Variants in DPP10 observed in about 807,000 individuals in gnomAD.
DPP10 encodes dipeptidyl peptidase like 10, also known as inactive dipeptidyl peptidase 10.
DPP10 carries 33 observed loss-of-function variants against 120.9 expected under a neutral mutation model. The ratio of observed to expected loss-of-function variants is 0.27; its 90% confidence interval spans 0.21 to 0.37. DPP10 has a LOEUF of 0.37. Among genes scored for constraint, DPP10 ranks in the 10% least tolerant of loss-of-function variants. The pLI, the probability that DPP10 is intolerant of heterozygous loss-of-function variation, is 1.00. For missense variants in DPP10, 816 were observed against 942.8 expected, an observed-to-expected ratio of 0.87 and a Z score of 1.76; for synonymous variants, 337 against 326.1, an observed-to-expected ratio of 1.03 and a Z score of -0.36.
intron 1 of DPP10, among the ~76,000 whole-genome samples, chr2:114,491,715 C>T (rs1294565132): frequency 6.6e-6 from 1 of 152,184 alleles, no homozygotes; most frequent in Non-Finnish European, 1.5e-5. Context: ...AATACATGCT[C>T]TCAAGATGAA....
At chr2:115,654,086 T>A (rs1044764687) in intron 5 of DPP10, among the ~76,000 whole-genome samples, 1 of 151,872 alleles carries the variant, frequency 6.6e-6, no homozygotes, top group African/African-American at 2.4e-5. Context: ...CAGAAATATT[T>A]ACACATCAGT....
intron 1 of DPP10, among the ~76,000 whole-genome samples, chr2:114,635,285 T>C (rs1271498754): frequency 6.6e-6 from 1 of 151,888 alleles, no homozygotes; most frequent in Non-Finnish European, 1.5e-5. Context: ...AAGACACCCA[T>C]TACATTCATG....
chr2:115,592,704 C>T (rs763062092), intron 5 of DPP10, among the ~76,000 whole-genome samples: 4 of 151,912 alleles, frequency 2.6e-5, no homozygotes, highest in African/African-American at 7.3e-5. Flanking sequence ...TGCAGTGAGT[C>T]GAGATTGTGC....
intron 5 of DPP10, among the ~76,000 whole-genome samples, chr2:115,633,390 T>C (rs867189371): frequency 2.6e-5 from 4 of 151,956 alleles, no homozygotes; most frequent in Admixed American, 2.6e-4. Flanking sequence ...ATGAGAACAC[T>C]TGGACACAGG....
At chr2:114,708,779 G>A (rs1408294950) in intron 1 of DPP10, among the ~76,000 whole-genome samples, 1 of 151,732 alleles carries the variant, frequency 6.6e-6, no homozygotes, top group Admixed American at 6.6e-5. Flanking sequence ...TTTTTGAGAT[G>A]GAGTCTCACT....
intron 1 of DPP10, among the ~76,000 whole-genome samples, chr2:114,704,781 T>C (rs962015939): frequency 1.3e-5 from 2 of 152,150 alleles, no homozygotes; most frequent in African/African-American, 4.8e-5. Flanking sequence ...ATAATTTATA[T>C]GTTGAAGCTC....
intron 5 of DPP10, among the ~76,000 whole-genome samples, chr2:115,633,489 G>T (rs1259762887): frequency 2.0e-5 from 3 of 152,090 alleles, no homozygotes; most frequent in Admixed American, 1.3e-4. Flanking sequence ...TAAATGACGA[G>T]TTAATGGGTG....
At chr2:115,829,857 T>G (rs1688742166) in intron 21 of DPP10, among the ~76,000 whole-genome samples, 1 of 152,154 alleles carries the variant, frequency 6.6e-6, no homozygotes, top group African/African-American at 2.4e-5. Flanking sequence ...CATATGTAGC[T>G]TTTAGCTGGC....
chr2:115,012,690 T>C (rs566822947), intron 1 of DPP10, among the ~76,000 whole-genome samples: 22 of 152,136 alleles, frequency 1.4e-4, no homozygotes, highest in Non-Finnish European at 3.2e-4. Context: ...CGGCAGCACT[T>C]GAATCTTAGA....
At chr2:114,593,976 G>C (rs1691675371) in intron 1 of DPP10, among the ~76,000 whole-genome samples, 1 of 152,118 alleles carries the variant, frequency 6.6e-6, no homozygotes, top group Admixed American at 6.6e-5. Flanking sequence ...CAGGCCTGCT[G>C]AGCTACTGTG....
intron 7 of DPP10, among the ~76,000 whole-genome samples, chr2:115,712,469 G>C (rs1419921258): frequency 2.1e-5 from 3 of 141,934 alleles, no homozygotes; most frequent in Non-Finnish European, 4.6e-5. Flanking sequence ...CCCTAATTTA[G>C]AAAATACAAT....
intron 1 of DPP10, among the ~76,000 whole-genome samples, chr2:115,286,156 T>TA (rs141340141): frequency 0.039 from 5,993 of 151,860 alleles, 168 homozygotes; most frequent in Admixed American, 0.073. Context: ...AAGAAAGAGT[T>TA]ATTATGCATC....
At chr2:114,826,824 G>A (rs1044568448) in intron 1 of DPP10, among the ~76,000 whole-genome samples, 2 of 152,142 alleles carry the variant, frequency 1.3e-5, no homozygotes, top group African/African-American at 4.8e-5. Context: ...CACCGTGCTG[G>A]GCCAAGAAGA....
chr2:114,798,860 T>G (rs1213524733), intron 1 of DPP10, among the ~76,000 whole-genome samples: 3 of 152,206 alleles, frequency 2.0e-5, no homozygotes, highest in Middle Eastern at 3.4e-3. Flanking sequence ...TGGGCATGGT[T>G]GCTCACGCCT....
intron 3 of DPP10, among the ~76,000 whole-genome samples, chr2:115,425,003 T>A (rs965255491): frequency 2.0e-5 from 3 of 152,132 alleles, no homozygotes; most frequent in Non-Finnish European, 4.4e-5. Context: ...GTAGAATCGT[T>A]GGGGAATGAG....
Position 115,777,948 on chromosome 2 carries a change from G to A in DPP10, c.1361+114G>A, listed in dbSNP as rs1241811811. On this transcript the variant is annotated intron_variant, in intron 15 of 25. Coordinates refer to ENST00000410059, the MANE Select transcript of DPP10 (RefSeq NM_020868.6). ...GTCTTTTTCAACATGGCTAGGAAGA[G>A]CCAACTTTGCTGACAAAGCTTCACA... The A allele has an allele frequency of 2.2e-5, 22 of 1,010,744 alleles. No individual in the cohort carries two copies. The African/African-American group carries it at 3.5e-4, about 16-fold the overall frequency. 62.6% of individuals were successfully genotyped at this position (1,010,744 alleles called of 1,614,324 possible).
At chr2:115,019,613 C>T (rs934754029) in intron 1 of DPP10, among the ~76,000 whole-genome samples, 2 of 152,182 alleles carry the variant, frequency 1.3e-5, no homozygotes, top group Non-Finnish European at 2.9e-5. Flanking sequence ...TTGAGGAAAA[C>T]TTTCCCAGCC....
intron 7 of DPP10, among the ~76,000 whole-genome samples, chr2:115,721,528 C>T (rs1488709809): frequency 3.9e-5 from 6 of 151,930 alleles, no homozygotes; most frequent in Non-Finnish European, 7.4e-5. Context: ...AATATAGTGA[C>T]TAATCATCAG....
chr2:115,807,879 T>C (rs1276541596), intron 19 of DPP10, among the ~76,000 whole-genome samples: 1 of 151,996 alleles, frequency 6.6e-6, no homozygotes, highest in Non-Finnish European at 1.5e-5. Flanking sequence ...AGGAAAAACA[T>C]TAAATGCATT....
Sources: allele counts gnomAD v4.1 joint callset (sites outside exome capture counted in the v4.1 genomes callset), GRCh38; gene constraint gnomAD v4.1.1; transcripts MANE v1.5; gene names NCBI Gene and HGNC (gene_info 2026-07-23, HGNC 2026-07-21).